ABL2: variants seen among roughly 807,000 people sequenced by gnomAD.
ABL2 encodes the protein tyrosine-protein kinase ABL2.
In ABL2, 49 loss-of-function variants were observed where a neutral mutation model predicts 107.7. The observed-to-expected ratio is 0.45, with a 90% CI of 0.36 to 0.58. ABL2 has a LOEUF of 0.58. ABL2 is among the 20% of genes least tolerant of loss of function. The pLI, the probability that ABL2 is intolerant of heterozygous loss-of-function variation, is 0.00. For missense variants in ABL2, 1,245 were observed against 1,457.0 expected (o/e 0.85, Z 2.37); for synonymous variants, 549 against 548.6 (o/e 1.00, Z -0.01).
chr1:179,119,522 CAAAA>C (rs570669683), intron 6 of ABL2, among the ~76,000 whole-genome samples: 2,158 of 115,898 alleles, frequency 0.019, 66 homozygotes, highest in African/African-American at 0.064. Flanking sequence ...AAAAAACAAA[CAAAA>C]AAAAACACCC....
At chr1:179,162,493 G>A (rs548833296) in intron 1 of ABL2, among the ~76,000 whole-genome samples, 8 of 152,262 alleles carry the variant, frequency 5.3e-5, no homozygotes, top group African/African-American at 1.9e-4. Flanking sequence ...ACTGAGGCAG[G>A]AGAATTGCTT....
chr1:179,110,953 G>A, intron 10 of ABL2: 2 of 1,292,840 alleles, frequency 1.5e-6, no homozygotes, highest in South Asian at 1.4e-5. Flanking sequence ...CTGCATGCTT[G>A]CTAAAATTTG....
chr1:179,122,169 C>G (rs562575568), intron 4 of ABL2, among the ~76,000 whole-genome samples: 2 of 151,626 alleles, frequency 1.3e-5, no homozygotes, highest in East Asian at 3.9e-4. Context: ...CGGCCTCAGC[C>G]TCCCAAAGTG....
intron 1 of ABL2, among the ~76,000 whole-genome samples, chr1:179,205,400 C>G: frequency 6.6e-6 from 1 of 152,308 alleles, no homozygotes; most frequent in Non-Finnish European, 1.5e-5. Flanking sequence ...CCATGCCCCC[C>G]GGCATTACAT....
At chr1:179,191,801 A>G (rs567203996) in intron 1 of ABL2, among the ~76,000 whole-genome samples, 4 of 152,178 alleles carry the variant, frequency 2.6e-5, no homozygotes, top group Non-Finnish European at 4.4e-5. Context: ...AAAAATCACT[A>G]AAGAGTTTTC....
intron 1 of ABL2, among the ~76,000 whole-genome samples, chr1:179,211,139 G>A (rs1433597678): frequency 1.3e-5 from 2 of 151,920 alleles, no homozygotes; most frequent in Non-Finnish European, 2.9e-5. Flanking sequence ...CAAATATCAG[G>A]GTCAATGAAA....
At chr1:179,136,063 C>A (rs1317608559) in intron 1 of ABL2, among the ~76,000 whole-genome samples, 1 of 149,072 alleles carries the variant, frequency 6.7e-6, no homozygotes, top group Non-Finnish European at 1.5e-5. Context: ...GCCCGGCCAG[C>A]CGCCCCGTCC....
At chr1:179,197,867 CAAA>C (rs71804838) in intron 1 of ABL2, among the ~76,000 whole-genome samples, 1 of 137,166 alleles carries the variant, frequency 7.3e-6, no homozygotes. Context: ...GAAACTGTCT[CAAA>C]AAAAAAAAAA....
intron 1 of ABL2, among the ~76,000 whole-genome samples, chr1:179,195,472 T>C (rs1571294861): frequency 6.6e-6 from 1 of 152,240 alleles, no homozygotes; most frequent in Non-Finnish European, 1.5e-5. Flanking sequence ...AGTATGGTGG[T>C]TCCTCAGAAA....
intron 1 of ABL2, among the ~76,000 whole-genome samples, chr1:179,192,012 A>G (rs1337632915): frequency 6.6e-6 from 1 of 152,218 alleles, no homozygotes; most frequent in Non-Finnish European, 1.5e-5. Flanking sequence ...TTGCAAACAA[A>G]GTATAAAGCA....
In ABL2 at chr1:179,229,462, T is replaced by C. The variant is rs1202490826; in HGVS notation, c.-65A>G. On this transcript the variant is annotated 5_prime_UTR_variant, in exon 1 of 12. Coordinates refer to ENST00000502732, the MANE Select transcript of ABL2 (RefSeq NM_007314.4). ...GTCACATTCCTCCTCGGCTCCGGCC[T>C]CGGGCTCCTGGCGCTGCTCCGGTCT... 1.0e-4 allele frequency: 147 copies of C among 1,410,822 alleles called. 1 individual carries two copies. Among genetic ancestry groups the C allele is most frequent in the Non-Finnish European group, 1.2e-4 (132 of 1,088,654 alleles). 87.4% of individuals were successfully genotyped at this position (1,410,822 alleles called of 1,614,324 possible). A position where few individuals can be genotyped will look rare whatever the true frequency, so the allele number is the denominator to read the frequency against.
At chr1:179,211,331 C>T (rs933704703) in intron 1 of ABL2, among the ~76,000 whole-genome samples, 1 of 151,818 alleles carries the variant, frequency 6.6e-6, no homozygotes, top group Non-Finnish European at 1.5e-5. Context: ...TCTGCCTGGG[C>T]AACAAAAGAG....
chr1:179,200,469 G>A (rs1661602881), intron 1 of ABL2, among the ~76,000 whole-genome samples: 1 of 152,170 alleles, frequency 6.6e-6, no homozygotes, highest in South Asian at 2.1e-4. Flanking sequence ...GTTTCACAAA[G>A]ATAAAAGTTA....
rs79732318 is a variant in ABL2 at position 179,143,178 on chromosome 1, A to G, written c.158-9804T>C. 612 of 1,220,918 alleles carry G rather than the reference A, an allele frequency of 5.0e-4. 5 individuals are homozygous for G. The African/African-American group carries it at 8.9e-3, about 18-fold the overall frequency. The allele number at this position is 1,220,918 out of a possible 1,614,324, so 75.6% of individuals were successfully genotyped here. A position where few individuals can be genotyped will look rare whatever the true frequency, so the allele number is the denominator to read the frequency against. On this transcript the variant is annotated intron_variant, in intron 1 of 11. Coordinates refer to ENST00000502732, the MANE Select transcript of ABL2 (RefSeq NM_007314.4). Reference sequence around the variant, plus strand: ...TCAGTGGCCAGAGGGAACCAATAAAATGGTGAGCATTCACAATTCCCAAAG... The same window carrying G: ...TCAGTGGCCAGAGGGAACCAATAAAGTGGTGAGCATTCACAATTCCCAAAG...
intron 11 of ABL2, 42 bp from the exon 12 acceptor site, chr1:179,109,483 T>C (rs370990725): frequency 1.2e-4 from 195 of 1,563,874 alleles, no homozygotes; most frequent in Admixed American, 6.5e-4. Context: ...AGACAAGAAG[T>C]GAATCTATTA....
Position 179,121,687 on chromosome 1 carries a change from T to A in ABL2, c.868A>T (p.Met290Leu). Residue 290 changes from methionine to leucine, a missense_variant, in exon 5 of 12, where the codon ATG (methionine) becomes TTG (leucine). Around this residue, in one of 3 missense-constraint regions of ABL2, gnomAD observed 320 missense variants for 547.0 expected, o/e 0.59. Coordinates refer to ENST00000502732, the MANE Select transcript of ABL2 (RefSeq NM_007314.4). The stretch of plus-strand genomic sequence containing the variant: ...TGACCGCCCCCAAGTTTGTGCTTCA[T>A]GGTAATATCTGTTCGCTCCATTTCC... ...KWEMERTDIT[M>L]KHKLGGGQYG... The A allele has an allele frequency of 6.2e-7, 1 of 1,614,186 alleles. No individual in the cohort carries two copies. Among genetic ancestry groups the A allele is most frequent in the Non-Finnish European group, 8.5e-7 (1 of 1,180,034 alleles).
intron 3 of ABL2, among the ~76,000 whole-genome samples, chr1:179,130,739 T>C (rs900798598): frequency 1.3e-5 from 2 of 149,968 alleles, no homozygotes; most frequent in African/African-American, 2.5e-5. Context: ...TGTGTGTGTG[T>C]GTGTGTGTGT....
At chr1:179,222,715 G>A (rs1304316219) in intron 1 of ABL2, among the ~76,000 whole-genome samples, 2 of 151,864 alleles carry the variant, frequency 1.3e-5, no homozygotes, top group Admixed American at 1.3e-4. Context: ...CCCACAAACT[G>A]GTTACACCTT....
chr1:179,172,391 TA>T (rs1659772505), intron 1 of ABL2, among the ~76,000 whole-genome samples: 1 of 152,206 alleles, frequency 6.6e-6, no homozygotes, highest in Non-Finnish European at 1.5e-5. Context: ...TTTTTCAATC[TA>T]AAGACTGAAG....
Sources: gnomAD v4.1 joint callset for allele counts (sites outside exome capture counted in the v4.1 genomes callset) on GRCh38, gnomAD v4.1.1 for gene constraint, gnomAD v4.1.1 regional missense constraint, MANE v1.5 for transcripts, NCBI Gene and HGNC (gene_info 2026-07-23, HGNC 2026-07-21) for gene names.